The following SNIP1 variants were observed in gnomAD, a reference collection of about 807,000 sequenced individuals.
SNIP1 encodes smad nuclear-interacting protein 1.
SNIP1 carries 23 observed loss-of-function variants against 37.4 expected under a neutral mutation model. The ratio of observed to expected loss-of-function variants is 0.61; its 90% CI spans 0.44 to 0.87. SNIP1 has a LOEUF of 0.87. Ranked by LOEUF, SNIP1 falls within the 40% of genes least tolerant of loss-of-function variation. The probability of loss-of-function intolerance (pLI) is 0.00; values close to 1 mark genes in which losing one functional copy is unlikely to be tolerated. For missense variants in SNIP1, 459 were observed against 540.4 expected (o/e 0.85, Z 1.49); for synonymous variants, 174 against 200.0 (o/e 0.87, Z 1.10).
chr1:37,545,036 A>G (rs1643216393), intron 2 of SNIP1: 3 of 757,962 alleles, frequency 4.0e-6, no homozygotes, highest in East Asian at 2.4e-5. Context: ...TGACTGGGAG[A>G]GCAGGCTGAA....
At chr1:37,547,107 G>A (rs1219555033) in intron 2 of SNIP1, among the ~76,000 whole-genome samples, 1 of 152,176 alleles carries the variant, frequency 6.6e-6, no homozygotes, top group Non-Finnish European at 1.5e-5. Flanking sequence ...CCTATATGCA[G>A]GTGAGTCTCA....
chr1:37,543,566 G>A (rs1643196215), intron 2 of SNIP1, among the ~76,000 whole-genome samples: 1 of 151,966 alleles, frequency 6.6e-6, no homozygotes, highest in Non-Finnish European at 1.5e-5. Flanking sequence ...AAGAGAAGGG[G>A]CAAGTTTCAC....
At chr1:37,543,629 G>T (rs1279705374) in intron 2 of SNIP1, among the ~76,000 whole-genome samples, 3 of 151,796 alleles carry the variant, frequency 2.0e-5, no homozygotes, top group African/African-American at 7.3e-5. Flanking sequence ...TACTTGGAGA[G>T]ATGTTCCCAC....
At position 37,540,454 on chromosome 1, in the gene SNIP1, C is replaced by T; in HGVS notation, c.629G>A (p.Gly210Asp). ...SESQELVPRP[G>D]GNNKEKEVPA... ...CACCTCTTTTTCTTTGTTGTTGCCA[C>T]CAGGCCGAGGAACCAACTCCTGAGA... Residue 210 changes from glycine (G) to aspartate (D), a missense_variant, in exon 3 of 4, where the codon GGT becomes GAT. By Grantham distance (94) the Gly-to-Asp change is moderately conservative. Coordinates refer to ENST00000296215, the MANE Select transcript of SNIP1 (RefSeq NM_024700.4). This position sits in a 1 kb window ranked among gnomAD's most constrained non-coding sequence, Gnocchi z 5.6. The T allele has an allele frequency of 3.1e-6, 5 of 1,614,092 alleles. No individual in the cohort carries two copies. Among genetic ancestry groups the T allele is most frequent in the South Asian group, 1.1e-5 (1 of 91,086 alleles).
In SNIP1 at chr1:37,534,484, A is replaced by C. The variant is rs578182767; in HGVS notation, c.*3264T>G. The C allele has an allele frequency of 1.4e-3, 216 of 152,336 alleles. 1 individual carries two copies. The highest frequency in any genetic ancestry group is 5.0e-3 in the African/African-American group (207 of 41,582). The allele number at this position is 152,336 out of a possible 1,614,324, so 9.4% of individuals were successfully genotyped here. A position where few individuals can be genotyped will look rare whatever the true frequency, so the allele number is the denominator to read the frequency against. The stretch of plus-strand genomic sequence containing the variant: ...CATTCCAAAACTTTAATGTCAATTA[A>C]GCAGCCTTTTCACTTGATATAAACT... On this transcript the variant is annotated 3_prime_UTR_variant, in exon 4 of 4. Coordinates refer to ENST00000296215, the MANE Select transcript of SNIP1 (RefSeq NM_024700.4).
intron 2 of SNIP1, among the ~76,000 whole-genome samples, chr1:37,550,768 A>G (rs1200494536): frequency 3.3e-5 from 5 of 152,106 alleles, no homozygotes; most frequent in African/African-American, 1.2e-4. Context: ...ATTGCACCTG[A>G]GAAGATACAT....
chr1:37,537,646 A>G lies in SNIP1; in HGVS notation c.*102T>C. The G allele has an allele frequency of 7.9e-7, 1 of 1,265,962 alleles. No individual in the cohort carries two copies. The highest frequency in any genetic ancestry group is 1.1e-6 in the Non-Finnish European group (1 of 905,414). The allele number at this position is 1,265,962 out of a possible 1,614,324, so 78.4% of individuals were successfully genotyped here. A position where few individuals can be genotyped will look rare whatever the true frequency, so the allele number is the denominator to read the frequency against. The stretch of plus-strand genomic sequence containing the variant: ...GACTTAAGGCAGTAAGAGGCATTAC[A>G]GAGAGCACCATAGTGCTGGACCCAC... On this transcript the variant is annotated 3_prime_UTR_variant, in exon 4 of 4. Transcript: ENST00000296215.
chr1:37,535,997 A>T lies in SNIP1; in HGVS notation c.*1751T>A, dbSNP rs914059353. ...CAGCTAATTTTTGTATTTTTAGTAG[A>T]GATGGGGTTTCACCATGTTGGCCAG... On this transcript the variant is annotated 3_prime_UTR_variant, in exon 4 of 4. Transcript: ENST00000296215. The T allele has an allele frequency of 4.6e-5, 7 of 152,168 alleles. No individual in the cohort carries two copies. The highest frequency in any genetic ancestry group is 3.3e-4 in the Admixed American group (5 of 15,266). The allele number at this position is 152,168 out of a possible 1,614,324, so 9.4% of individuals were successfully genotyped here.
At position 37,552,875 on chromosome 1, in the gene SNIP1, A is replaced by C. The variant is rs938585405; in HGVS notation, c.225-128T>G. ...TGAAGGTCTCTGCCGGTCACATTAA[A>C]GGAGTCACGAGGTTCACTTTCCTAG... On this transcript the variant is annotated intron_variant, in intron 1 of 3. Coordinates refer to ENST00000296215, the MANE Select transcript of SNIP1 (RefSeq NM_024700.4). 4.1e-6 allele frequency: 3 copies of C among 733,086 alleles called. No individual in the cohort carries two copies. In the African/African-American group the frequency reaches 5.2e-5, roughly 13 times the overall value. 45.4% of individuals were successfully genotyped at this position (733,086 alleles called of 1,614,324 possible).
Position 37,540,983 on chromosome 1 carries a change from A to G in SNIP1, c.328-228T>C. ...ATTCAACTATAGCCCTAATAGCACAAGTCCAGGTCCACAGCCCTAAAAACA... is the reference window on the plus strand; with the variant it reads ...ATTCAACTATAGCCCTAATAGCACAGGTCCAGGTCCACAGCCCTAAAAACA... On this transcript the variant is annotated intron_variant, in intron 2 of 3. Transcript: ENST00000296215. This position sits in a 1 kb window ranked among gnomAD's most constrained non-coding sequence, Gnocchi z 5.6. The G allele has an allele frequency of 2.2e-6, 1 of 449,870 alleles. No individual in the cohort carries two copies. The highest frequency in any genetic ancestry group is 3.9e-6 in the Non-Finnish European group (1 of 253,790). The allele number at this position is 449,870 out of a possible 1,614,324, so 27.9% of individuals were successfully genotyped here.
chr1:37,543,908 A>AG (rs758291801), intron 2 of SNIP1, among the ~76,000 whole-genome samples: 2,226 of 148,856 alleles, frequency 0.015, 57 homozygotes, highest in East Asian at 0.072. Flanking sequence ...TGGGAGGGCA[A>AG]GGGGGGGGGC....
chr1:37,537,929 G>C lies in SNIP1; in HGVS notation c.1010C>G (p.Thr337Ser). 6.2e-7 allele frequency: 1 copy of C among 1,614,070 alleles called. No individual in the cohort carries two copies. ...CTCAATACGTTTGTTGTTTAAGAAGGTTCCATTGCCTGAGCCAAGGTCAAT... is the reference window on the plus strand; with the variant it reads ...CTCAATACGTTTGTTGTTTAAGAAGCTTCCATTGCCTGAGCCAAGGTCAAT... ...YIIDLGSGNGTFLNNKRIEPQ... is the reference protein window; with the variant it reads ...YIIDLGSGNGSFLNNKRIEPQ... The change falls in exon 4 of 4, where the codon ACC becomes AGC. Residue 337 changes from threonine (T) to serine (S), a missense_variant. By Grantham distance (58) the Thr-to-Ser change is moderately conservative. Transcript: ENST00000296215.
chr1:37,551,661 AT>A (rs970522172), intron 2 of SNIP1, among the ~76,000 whole-genome samples: 4 of 151,970 alleles, frequency 2.6e-5, no homozygotes, highest in Non-Finnish European at 2.9e-5. Context: ...AGGACAGAGG[AT>A]TTTTTTTCAG....
intron 1 of SNIP1, 113 bp from the exon 2 acceptor site, chr1:37,552,860 T>C: frequency 5.9e-6 from 5 of 842,384 alleles, no homozygotes; most frequent in South Asian, 5.7e-5. Context: ...TGAAGGTCTC[T>C]GCCGGTCACA....
chr1:37,540,033 T>C lies in SNIP1; in HGVS notation c.926+124A>G. The C allele has an allele frequency of 1.3e-6, 1 of 746,960 alleles. No individual in the cohort carries two copies. Among genetic ancestry groups the C allele is most frequent in the East Asian group, 2.5e-5 (1 of 39,682 alleles). The allele number at this position is 746,960 out of a possible 1,614,324, so 46.3% of individuals were successfully genotyped here. On this transcript the variant is annotated intron_variant, in intron 3 of 3. Coordinates refer to ENST00000296215, the MANE Select transcript of SNIP1 (RefSeq NM_024700.4). The surrounding 1 kb of genome is among the most constrained non-coding windows in gnomAD (Gnocchi z 5.6). ...ATTTAAAGGGCAGTTAGATTAACAA[T>C]ACTCTTTAGATAACATATGAGGGGT...
Position 37,540,374 on chromosome 1 carries a change from T to TGC in SNIP1, c.708_709insGC (p.Asn237AlafsTer7). 2 of 1,614,140 alleles carry TGC rather than the reference T, an allele frequency of 1.2e-6. No homozygotes were observed. The highest frequency in any genetic ancestry group is 1.7e-6 in the Non-Finnish European group (2 of 1,180,020). ...TTAATGACTACACCCCGGAAAGTGT[T>TGC]GGTGTCCTCAAGAAGTGCCCCAGAA... On this transcript the variant is annotated frameshift_variant, in exon 3 of 4. Coordinates refer to ENST00000296215, the MANE Select transcript of SNIP1 (RefSeq NM_024700.4). LOFTEE classifies it high-confidence loss of function. The surrounding 1 kb of genome is among the most constrained non-coding windows in gnomAD (Gnocchi z 5.6).
Position 37,540,134 on chromosome 1 carries a change from G to C in SNIP1, c.926+23C>G. On this transcript the variant is annotated intron_variant, in intron 3 of 3. Coordinates refer to ENST00000296215, the MANE Select transcript of SNIP1 (RefSeq NM_024700.4). The surrounding 1 kb of genome is among the most constrained non-coding windows in gnomAD (Gnocchi z 5.6). ...AGTGATTGTTTCTGCTCACATTACA[G>C]TTTCTTCCTCCATGTTACTTACCGA... is the stretch of plus-strand genomic sequence containing the variant. 1 of 1,544,556 alleles carries C rather than the reference G, an allele frequency of 6.5e-7. No individual in the cohort carries two copies. The highest frequency in any genetic ancestry group is 8.8e-7 in the Non-Finnish European group (1 of 1,140,344).
At chr1:37,538,529 A>T (rs1022863466) in intron 3 of SNIP1, among the ~76,000 whole-genome samples, 2 of 150,666 alleles carry the variant, frequency 1.3e-5, no homozygotes, top group Admixed American at 6.6e-5. Flanking sequence ...AAAAAAAAAA[A>T]GGTGAGAATG....
chr1:37,540,670 C>T lies in SNIP1; in HGVS notation c.413G>A (p.Ser138Asn). Residue 138 changes from serine to asparagine, a missense_variant, in exon 3 of 4, where the codon AGT (serine) becomes AAT (asparagine). Physicochemically the swap from Ser to Asn is conservative, Grantham distance 46. Coordinates refer to ENST00000296215, the MANE Select transcript of SNIP1 (RefSeq NM_024700.4). The surrounding 1 kb of genome is among the most constrained non-coding windows in gnomAD (Gnocchi z 5.6). ...SEQEHRRARNSDRDRHRGHSH... is the reference protein window; with the variant it reads ...SEQEHRRARNNDRDRHRGHSH... ...ATGGCCCCGGTGTCTGTCCCGGTCA[C>T]TGTTCCTAGCTCTCCTGTGTTCCTG... 6.2e-7 allele frequency: 1 copy of T among 1,614,166 alleles called. No individual in the cohort carries two copies. Among genetic ancestry groups the T allele is most frequent in the Non-Finnish European group, 8.5e-7 (1 of 1,180,034 alleles).
Sources: gnomAD v4.1 joint callset for allele counts (sites outside exome capture counted in the v4.1 genomes callset) on GRCh38, gnomAD v4.1.1 for gene constraint, Gnocchi (gnomAD v3.1) non-coding constraint, MANE v1.5 for transcripts, NCBI Gene and HGNC (gene_info 2026-07-23, HGNC 2026-07-21) for gene names.